CDH12: variants seen among roughly 807,000 people sequenced by gnomAD.
CDH12 encodes cadherin-12.
A neutral mutation model predicts 74.1 loss-of-function variants in CDH12; 41 were observed. That is an observed-to-expected ratio of 0.55 (90% CI 0.43 to 0.72). The LOEUF is 0.72. Ranked by LOEUF, CDH12 falls within the 30% of genes least tolerant of loss-of-function variation. The pLI is 0.00. For synonymous variants in CDH12, 399 were observed against 355.0 expected (o/e 1.12, Z -1.39); for missense variants, 945 against 977.2 (o/e 0.97, Z 0.44).
intron 12 of CDH12, among the ~76,000 whole-genome samples, chr5:21,764,450 C>T (rs1296821876): frequency 6.7e-6 from 1 of 150,144 alleles, no homozygotes; most frequent in Non-Finnish European, 1.5e-5. Context: ...GAGTTCGAGT[C>T]CAGCCTGGCT....
rs147431154 is a variant in CDH12, at chr5:22,515,664, T to C, written c.-522-10300A>G. 3.3e-3 allele frequency among the ~76,000 whole-genome samples: 509 copies of C among 152,180 alleles called. 2 individuals carry two copies. The highest frequency in any genetic ancestry group is 0.012 in the African/African-American group (482 of 41,556). On this transcript the variant is annotated intron_variant, in intron 1 of 14. Transcript: ENST00000382254. ...TGATGTGAAAAATAACAGGGAATCA[T>C]AGACTATTTGATATGTAGTAATGAG...
intron 4 of CDH12, among the ~76,000 whole-genome samples, chr5:22,082,870 T>C (rs2150229974): frequency 6.6e-6 from 1 of 152,356 alleles, no homozygotes; most frequent in Admixed American, 6.5e-5. Context: ...CATACTGTGC[T>C]GTGTTTCTTC....
intron 1 of CDH12, among the ~76,000 whole-genome samples, chr5:22,512,877 C>T (rs1459068398): frequency 6.6e-6 from 1 of 152,028 alleles, no homozygotes; most frequent in Non-Finnish European, 1.5e-5. Flanking sequence ...GCCTGGTCAA[C>T]GTGGCAAAAC....
At chr5:22,146,890 C>G (rs1242758989) in intron 4 of CDH12, among the ~76,000 whole-genome samples, 1 of 152,106 alleles carries the variant, frequency 6.6e-6, no homozygotes, top group Non-Finnish European at 1.5e-5. Flanking sequence ...TATGTATTGT[C>G]TATTTCCACC....
intron 3 of CDH12, among the ~76,000 whole-genome samples, chr5:22,359,914 G>A (rs1442982612): frequency 6.6e-6 from 1 of 152,032 alleles, no homozygotes; most frequent in African/African-American, 2.4e-5. Flanking sequence ...CAGAATCTAT[G>A]GGATACATTT....
At position 22,047,775 on chromosome 5, in the gene CDH12, A is replaced by G. The variant is rs180912211; in HGVS notation, c.231+30671T>C. On this transcript the variant is annotated intron_variant, in intron 5 of 14. Coordinates refer to ENST00000382254, the MANE Select transcript of CDH12 (RefSeq NM_004061.5). ...TACTGGTTTCCATTTCAAACCCAAC[A>G]TACCTAAAATTACTCTTATCATTTA... is the stretch of plus-strand genomic sequence containing the variant. Among the ~76,000 whole-genome samples, 777 of 152,218 alleles carry G rather than the reference A, an allele frequency of 5.1e-3. 7 individuals are homozygous for G. The highest frequency in any genetic ancestry group is 0.018 in the African/African-American group (735 of 41,512).
intron 6 of CDH12, among the ~76,000 whole-genome samples, chr5:21,864,969 G>A (rs1751250392): frequency 6.6e-6 from 1 of 152,162 alleles, no homozygotes. Flanking sequence ...ACAGGATTAT[G>A]AAATACAAAC....
At chr5:22,322,820 G>C (rs899046190) in intron 3 of CDH12, among the ~76,000 whole-genome samples, 1 of 151,932 alleles carries the variant, frequency 6.6e-6, no homozygotes, top group African/African-American at 2.4e-5. Context: ...TGAATTCTGG[G>C]GCAATGAGCC....
intron 6 of CDH12, among the ~76,000 whole-genome samples, chr5:21,872,911 A>ATCTATCTATCTATCTATCTG (rs1362065744): frequency 1.3e-5 from 2 of 151,636 alleles, no homozygotes; most frequent in Non-Finnish European, 2.9e-5. Flanking sequence ...CTATCTATCT[A>ATCTATCTATCTATCTATCTG]TCTATCTATC....
intron 1 of CDH12, among the ~76,000 whole-genome samples, chr5:22,694,992 C>T (rs1480131356): frequency 6.6e-6 from 1 of 151,982 alleles, no homozygotes; most frequent in Non-Finnish European, 1.5e-5. Flanking sequence ...CCTCCCCTTG[C>T]CCCCAACCCA....
chr5:21,916,521 T>C (rs1350147952), intron 6 of CDH12, among the ~76,000 whole-genome samples: 10 of 151,658 alleles, frequency 6.6e-5, no homozygotes, highest in African/African-American at 4.9e-5. Flanking sequence ...TTTTTTTTTT[T>C]CTTGGCAGAT....
chr5:22,269,297 C>T (rs1736277530), intron 3 of CDH12, among the ~76,000 whole-genome samples: 1 of 152,110 alleles, frequency 6.6e-6, no homozygotes, highest in South Asian at 2.1e-4. Context: ...TTCTATTCTT[C>T]AAATGTCTAG....
chr5:22,689,042 T>G (rs1741950871), intron 1 of CDH12, among the ~76,000 whole-genome samples: 1 of 152,160 alleles, frequency 6.6e-6, no homozygotes, highest in Non-Finnish European at 1.5e-5. Flanking sequence ...GGAGAAATGT[T>G]AAGAAGAGGA....
At chr5:21,883,215 G>A in intron 6 of CDH12, 1 of 1,377,396 alleles carries the variant, frequency 7.3e-7, no homozygotes, top group African/African-American at 1.4e-5. Context: ...AACACTGAAT[G>A]ATGAATTAGA....
At chr5:22,342,776 T>TCCTC (rs1739927796) in intron 3 of CDH12, among the ~76,000 whole-genome samples, 1 of 135,508 alleles carries the variant, frequency 7.4e-6, no homozygotes, top group Non-Finnish European at 1.6e-5. Context: ...CTTCCTCACT[T>TCCTC]CCTTCCTTCC....
chr5:22,682,765 G>A (rs1421275672), intron 1 of CDH12, among the ~76,000 whole-genome samples: 1 of 151,666 alleles, frequency 6.6e-6, no homozygotes, highest in Non-Finnish European at 1.5e-5. Context: ...TTTCCCTGTA[G>A]TTCCATTACT....
chr5:22,655,211 A>G, intron 1 of CDH12, among the ~76,000 whole-genome samples: 1 of 152,144 alleles, frequency 6.6e-6, no homozygotes. Flanking sequence ...AATGCCCTGG[A>G]CTGACTCAAT....
chr5:22,460,133 A>G (rs563971432), intron 2 of CDH12, among the ~76,000 whole-genome samples: 1 of 152,356 alleles, frequency 6.6e-6, no homozygotes, highest in African/African-American at 2.4e-5. Context: ...TAGAAATATT[A>G]AGTTTAAAAT....
At position 22,463,933 on chromosome 5, in the gene CDH12, A is replaced by G. The variant is rs142055884; in HGVS notation, c.-428+41337T>C. On this transcript the variant is annotated intron_variant, in intron 2 of 14. Coordinates refer to ENST00000382254, the MANE Select transcript of CDH12 (RefSeq NM_004061.5). ...TAGTCTGTAACTTTCTTCAATGGTT[A>G]TGTTATAAGATTCCATACCATTTGA... Among the ~76,000 whole-genome samples the G allele has an allele frequency of 5.7e-3, 861 of 152,276 alleles. 9 individuals carry two copies. The highest frequency in any genetic ancestry group is 0.018 in the Admixed American group (282 of 15,290).
Sources: allele counts gnomAD v4.1 joint callset (sites outside exome capture counted in the v4.1 genomes callset), GRCh38; gene constraint gnomAD v4.1.1; transcripts MANE v1.5; gene names NCBI Gene and HGNC (gene_info 2026-07-23, HGNC 2026-07-21).